Variants in ADCY10 observed in about 807,000 individuals in gnomAD.
ADCY10 encodes adenylate cyclase type 10.
A neutral mutation model predicts 183.3 loss-of-function variants in ADCY10; 156 were observed. That is an observed-to-expected ratio of 0.85 (90% CI 0.75 to 0.97). The LOEUF is 0.97. Ranked by LOEUF, ADCY10 falls within the 50% of genes least tolerant of loss-of-function variation. ADCY10 has a pLI of 0.00. For missense variants in ADCY10, 1,745 were observed against 1,934.3 expected (o/e 0.90, Z 1.84); for synonymous variants, 645 against 670.0 (o/e 0.96, Z 0.58).
At chr1:167,813,629 T>C (rs1662352468) in intron 31 of ADCY10, among the ~76,000 whole-genome samples, 1 of 152,182 alleles carries the variant, frequency 6.6e-6, no homozygotes, top group Non-Finnish European at 1.5e-5. Context: ...GGTAAATACA[T>C]GGACAATTAA....
intron 8 of ADCY10, among the ~76,000 whole-genome samples, chr1:167,885,099 C>T (rs1314767721): frequency 1.3e-5 from 2 of 150,404 alleles, no homozygotes; most frequent in African/African-American, 4.9e-5. Context: ...CTTCCATCCA[C>T]GTTGTTGCAA....
At chr1:167,847,544 T>C (rs968230856) in intron 19 of ADCY10, among the ~76,000 whole-genome samples, 1 of 152,078 alleles carries the variant, frequency 6.6e-6, no homozygotes, top group African/African-American at 2.4e-5. Context: ...GTCTCCTCAG[T>C]AGCTGGGATT....
intron 31 of ADCY10, among the ~76,000 whole-genome samples, chr1:167,816,166 GGAAGCTCGCA>G (rs1479265615): frequency 1.3e-5 from 2 of 152,086 alleles, no homozygotes; most frequent in African/African-American, 2.4e-5. Flanking sequence ...CACAGATCCA[GGAAGCTCGCA>G]GAACACCATG....
chr1:167,857,909 C>G (rs1290298303), intron 16 of ADCY10, among the ~76,000 whole-genome samples: 1 of 152,146 alleles, frequency 6.6e-6, no homozygotes, highest in South Asian at 2.1e-4. Context: ...AAGCAAACAA[C>G]TAAACAGGTT....
intron 12 of ADCY10, among the ~76,000 whole-genome samples, chr1:167,876,628 T>C (rs203832): frequency 0.33 from 50,446 of 152,046 alleles, 9,446 homozygotes; most frequent in African/African-American, 0.5. Context: ...TTTCTCCACT[T>C]TTATCTGCAG....
At chr1:167,874,841 T>C (rs1385359890) in intron 13 of ADCY10, among the ~76,000 whole-genome samples, 1 of 152,174 alleles carries the variant, frequency 6.6e-6, no homozygotes, top group Non-Finnish European at 1.5e-5. Flanking sequence ...AACATACCAT[T>C]GAGTAAGAGA....
rs779053477 is a variant in ADCY10, at chr1:167,846,018, G to C, written c.2683C>G (p.Arg895Gly). 1.3e-5 allele frequency: 21 copies of C among 1,614,088 alleles called. No homozygotes were observed. The highest frequency in any genetic ancestry group is 1.6e-4 in the Middle Eastern group (1 of 6,084). Residue 895 changes from arginine (R) to glycine (G), a missense_variant, in exon 20 of 33, where the codon CGT becomes GGT. By Grantham distance (125) the Arg-to-Gly change is moderately radical. Transcript: ENST00000367851. ...QNDPSFEVHY[R>G]SLSLKPSEGM... ...TCACTGGGCTTCAGAGACAAGGAAC[G>C]ATAGTGCACCTCAAATGAGGGATCA... is the stretch of plus-strand genomic sequence containing the variant.
intron 13 of ADCY10, among the ~76,000 whole-genome samples, chr1:167,871,052 C>G (rs1439735554): frequency 6.6e-6 from 1 of 152,110 alleles, no homozygotes; most frequent in Non-Finnish European, 1.5e-5. Context: ...CCAAGGCTAT[C>G]TAACCCTAAA....
At chr1:167,815,632 T>C (rs781221349) in intron 31 of ADCY10, among the ~76,000 whole-genome samples, 10 of 152,210 alleles carry the variant, frequency 6.6e-5, no homozygotes, top group Non-Finnish European at 1.3e-4. Context: ...CATATCTGGC[T>C]ATCAAGAAAA....
intron 30 of ADCY10, 70 bp from the exon 31 acceptor site, chr1:167,818,337 C>T (rs1287739037): frequency 1.4e-6 from 2 of 1,388,564 alleles, no homozygotes; most frequent in Non-Finnish European, 2.0e-6. Context: ...TCTGAAATGT[C>T]TCTCTGGATG....
intron 9 of ADCY10, among the ~76,000 whole-genome samples, chr1:167,882,552 A>G (rs1667943450): frequency 6.6e-6 from 1 of 151,594 alleles, no homozygotes; most frequent in Admixed American, 6.6e-5. Flanking sequence ...CCTCCCTGCC[A>G]TGGATGAAAA....
chr1:167,899,066 G>T (rs1439410808), intron 6 of ADCY10, among the ~76,000 whole-genome samples: 1 of 152,180 alleles, frequency 6.6e-6, no homozygotes, highest in East Asian at 1.9e-4. Flanking sequence ...GTTGGGTAAA[G>T]AAAGTGAGGG....
chr1:167,836,383 C>T lies in ADCY10; in HGVS notation c.3235G>A (p.Gly1079Arg), dbSNP rs145538707. 371 of 1,614,064 alleles carry T rather than the reference C, an allele frequency of 2.3e-4. 1 individual carries two copies. In the African/African-American group the frequency reaches 4.7e-3, roughly 20 times the overall value. ...LPLAHHFLAL[G>R]ENDKALYYFL... Reference sequence around the variant, plus strand: ...TAATATAAGGCTTTGTCATTTTCTCCCAAAGCCAGAAAATGGTGGGCCAGA... The same window carrying T: ...TAATATAAGGCTTTGTCATTTTCTCTCAAAGCCAGAAAATGGTGGGCCAGA... Residue 1079 changes from glycine (G) to arginine (R), a missense_variant, in exon 23 of 33, where the codon GGA becomes AGA. Transcript: ENST00000367851.
chr1:167,878,333 T>C (rs965116863), intron 12 of ADCY10, 113 bp downstream of exon 12: 1 of 1,229,006 alleles, frequency 8.1e-7, no homozygotes, highest in African/African-American at 1.5e-5. Context: ...GGGGAAAGCA[T>C]AGATTTCAAC....
chr1:167,831,641 C>T (rs1326570285), intron 25 of ADCY10, among the ~76,000 whole-genome samples: 1 of 152,210 alleles, frequency 6.6e-6, no homozygotes, highest in Non-Finnish European at 1.5e-5. Context: ...TCTTCTTCAA[C>T]ACTTTTCTAC....
intron 14 of ADCY10, among the ~76,000 whole-genome samples, chr1:167,867,589 C>T (rs1666798696): frequency 6.6e-6 from 1 of 152,060 alleles, no homozygotes. Context: ...TGTGTTATGA[C>T]CCATTTTAAG....
chr1:167,829,184 T>C, intron 26 of ADCY10, 83 bp downstream of exon 26: 1 of 1,526,690 alleles, frequency 6.6e-7, no homozygotes. Flanking sequence ...CCTCAGAATT[T>C]TGAATCCTAA....
chr1:167,913,248 G>A (rs1301341167), intron 1 of ADCY10, among the ~76,000 whole-genome samples: 2 of 152,208 alleles, frequency 1.3e-5, no homozygotes, highest in African/African-American at 2.4e-5. Context: ...TGAATGCGGA[G>A]TGTGAGTAAA....
intron 30 of ADCY10, chr1:167,820,373 C>G (rs1420045216): frequency 1.0e-5 from 6 of 601,288 alleles, no homozygotes; most frequent in Non-Finnish European, 8.3e-6. Context: ...CCGCGCCTCG[C>G]CTAGCCCGCC....
Sources: gnomAD v4.1 joint callset for allele counts (sites outside exome capture counted in the v4.1 genomes callset) on GRCh38, gnomAD v4.1.1 for gene constraint, MANE v1.5 for transcripts, NCBI Gene and HGNC (gene_info 2026-07-23, HGNC 2026-07-21) for gene names.